MFSD11: variants seen among roughly 807,000 people sequenced by gnomAD.
The protein encoded by MFSD11 is UNC93-like protein MFSD11.
MFSD11 carries 36 observed loss-of-function variants against 53.5 expected under a neutral mutation model. The ratio of observed to expected loss-of-function variants is 0.67; its 90% CI spans 0.52 to 0.89. MFSD11 has a LOEUF of 0.89. Ranked by LOEUF, MFSD11 falls within the 40% of genes least tolerant of loss-of-function variation. The probability of loss-of-function intolerance (pLI) is 0.00; values close to 1 mark genes in which losing one functional copy is unlikely to be tolerated. For missense variants in MFSD11, 530 were observed against 543.9 expected (o/e 0.97, Z 0.25); for synonymous variants, 186 against 184.9 (o/e 1.01, Z -0.05).
At chr17:76,759,470 T>C (rs748929110) in intron 8 of MFSD11, among the ~76,000 whole-genome samples, 16 of 151,866 alleles carry the variant, frequency 1.1e-4, no homozygotes, top group Middle Eastern at 3.4e-3. Context: ...TTTTTCTTTT[T>C]TTGAGATGGA....
chr17:76,737,252 C>A (rs1005592823), upstream of MFSD11: 8 of 1,442,788 alleles, frequency 5.5e-6, no homozygotes, highest in South Asian at 7.1e-5. Context: ...CAGTTGCCTT[C>A]CGCGTGGGGA....
At chr17:76,791,749 C>T in the MFSD11 span, among the ~76,000 whole-genome samples, 5 of 148,952 alleles carry the variant, frequency 3.4e-5, no homozygotes, top group African/African-American at 1.3e-4. Context: ...TCTGGCAAAC[C>T]CTTTGACTTA....
chr17:76,784,894 G>A (rs1368912705), downstream of MFSD11, among the ~76,000 whole-genome samples: 2 of 152,084 alleles, frequency 1.3e-5, no homozygotes, highest in South Asian at 2.1e-4. Context: ...GTGAGACTCC[G>A]TCTCAAAAAC....
chr17:76,762,886 TA>T (rs1408841971), intron 8 of MFSD11, among the ~76,000 whole-genome samples: 1 of 151,574 alleles, frequency 6.6e-6, no homozygotes, highest in Non-Finnish European at 1.5e-5. Context: ...TTTTTTTTTT[TA>T]AACTCCCCAC....
Position 76,767,385 on chromosome 17 carries a change from GA to G in MFSD11, c.686del (p.Lys229SerfsTer25). On this transcript the variant is annotated frameshift_variant and splice_region_variant, in exon 9 of 13. Coordinates refer to ENST00000685175, the MANE Select transcript of MFSD11 (RefSeq NM_001242532.5). LOFTEE classifies it high-confidence loss of function. Reference sequence around the variant, plus strand: ...GTACTCTTAAATTTTTGTGTTTACAGAAAAGTCTTTTAAGTTATGTGTCACC... The same window carrying G: ...GTACTCTTAAATTTTTGTGTTTACAGAAAGTCTTTTAAGTTATGTGTCACC... ...NNLTKAVDAF[K>X]KSFKLCVTKE... is the part of the protein sequence containing the mutation. 1 of 1,585,230 alleles carries G rather than the reference GA, an allele frequency of 6.3e-7. No individual in the cohort carries two copies. Among genetic ancestry groups the G allele is most frequent in the Non-Finnish European group, 8.6e-7 (1 of 1,157,370 alleles).
At chr17:76,771,156 C>T (rs2081347678) in intron 10 of MFSD11, among the ~76,000 whole-genome samples, 1 of 152,218 alleles carries the variant, frequency 6.6e-6, no homozygotes, top group African/African-American at 2.4e-5. Context: ...CTTGGTCTTT[C>T]TGGGAACCAG....
At chr17:76,798,228 G>A in the MFSD11 span, among the ~76,000 whole-genome samples, 1 of 152,070 alleles carries the variant, frequency 6.6e-6, no homozygotes, top group Non-Finnish European at 1.5e-5. Context: ...TTATTGTAGA[G>A]GATACAACTC....
intron 8 of MFSD11, among the ~76,000 whole-genome samples, chr17:76,757,872 A>G (rs894844531): frequency 7.3e-4 from 111 of 152,038 alleles, no homozygotes; most frequent in African/African-American, 2.6e-3. Flanking sequence ...TTAGCCAGGC[A>G]TGGTGGTGGG....
At chr17:76,764,407 T>C (rs2080609654) in intron 8 of MFSD11, among the ~76,000 whole-genome samples, 1 of 152,158 alleles carries the variant, frequency 6.6e-6, no homozygotes, top group African/African-American at 2.4e-5. Flanking sequence ...CGTCTCCCTA[T>C]TTCCCCCACC....
rs763059520 is a variant in MFSD11 at position 76,741,040 on chromosome 17, T to G, written c.236T>G (p.Met79Arg). Residue 79 changes from methionine (M) to arginine (R), a missense_variant, in exon 3 of 13, where the codon ATG becomes AGG. By Grantham distance (91) the Met-to-Arg change is moderately conservative. Coordinates refer to ENST00000685175, the MANE Select transcript of MFSD11 (RefSeq NM_001242532.5). ...GCCATTGTAGGACCTCAACTCTCTA[T>G]GTTTGCCAGTGGTTTATTTTACAGG... ...VVAIVGPQLS[M>R]FASGLFYSMY... The G allele has an allele frequency of 6.2e-7, 1 of 1,609,726 alleles. No homozygotes were observed. Among genetic ancestry groups the G allele is most frequent in the Non-Finnish European group, 8.5e-7 (1 of 1,176,046 alleles).
the MFSD11 span, among the ~76,000 whole-genome samples, chr17:76,787,462 C>T: frequency 7.3e-5 from 11 of 149,976 alleles, no homozygotes; most frequent in Admixed American, 4.0e-4. Flanking sequence ...CAGTAGAACA[C>T]GGACATCCTT....
At chr17:76,755,699 CATATATATATGTGTATATATATGTGTAT>C (rs1287348419) in intron 8 of MFSD11, among the ~76,000 whole-genome samples, 1 of 131,786 alleles carries the variant, frequency 7.6e-6, no homozygotes, top group African/African-American at 2.9e-5. Flanking sequence ...TAGTTTTTTA[CATATATATATGTGTATATATATGTGTAT>C]ATGTATATAT....
intron 7 of MFSD11, among the ~76,000 whole-genome samples, chr17:76,751,708 A>C (rs1301162140): frequency 6.6e-6 from 1 of 152,014 alleles, no homozygotes; most frequent in East Asian, 1.9e-4. Flanking sequence ...CAAAAAAAAA[A>C]AAAAGGAAAA....
chr17:76,799,027 CAA>C, the MFSD11 span: 64,314 of 99,190 alleles, frequency 0.65, 19,133 homozygotes, highest in Middle Eastern at 0.75. Context: ...AACTCCATCT[CAA>C]AAAAAAAAAA....
the MFSD11 span, among the ~76,000 whole-genome samples, chr17:76,789,509 G>A: frequency 5.9e-4 from 89 of 150,134 alleles, 4 homozygotes; most frequent in African/African-American, 2.0e-3. Context: ...GAACCGACTC[G>A]CCTAGCTCCT....
downstream of MFSD11, chr17:76,781,248 A>G (rs758765219): frequency 1.7e-4 from 26 of 152,320 alleles, no homozygotes; most frequent in African/African-American, 6.3e-4. Context: ...TCTTATGGCT[A>G]TTGGCTAAAG....
intron 5 of MFSD11, 79 bp downstream of exon 5, chr17:76,742,352 C>G: frequency 8.8e-7 from 1 of 1,139,564 alleles, no homozygotes; most frequent in Non-Finnish European, 1.3e-6. Flanking sequence ...CTTTGGTTGA[C>G]AATTTGGATC....
chr17:76,749,371 A>G (rs1012276930), intron 7 of MFSD11, among the ~76,000 whole-genome samples: 2 of 151,962 alleles, frequency 1.3e-5, no homozygotes, highest in African/African-American at 4.8e-5. Context: ...CAAAAAAAAA[A>G]TACAAAAATT....
chr17:76,746,203 C>G (rs2078530038), intron 7 of MFSD11, among the ~76,000 whole-genome samples: 1 of 152,234 alleles, frequency 6.6e-6, no homozygotes, highest in African/African-American at 2.4e-5. Context: ...CCAGCCACAA[C>G]ATTCTCTGAA....
Sources: allele counts gnomAD v4.1 joint callset (sites outside exome capture counted in the v4.1 genomes callset), GRCh38; gene constraint gnomAD v4.1.1; transcripts MANE v1.5; gene names NCBI Gene and HGNC (gene_info 2026-07-23, HGNC 2026-07-21).